Variants in PLEKHA5 observed in about 807,000 individuals in gnomAD.
PLEKHA5 encodes pleckstrin homology domain containing A5.
Under a neutral mutation model 181.9 loss-of-function variants are expected in PLEKHA5, and 55 were observed. The ratio of observed to expected loss-of-function variants is 0.30; its 90% CI spans 0.24 to 0.38. PLEKHA5 has a LOEUF of 0.38. PLEKHA5 is among the 10% of genes least tolerant of loss of function. The probability of loss-of-function intolerance (pLI) is 1.00; values close to 1 mark genes in which losing one functional copy is unlikely to be tolerated. For missense variants in PLEKHA5, 1,432 were observed against 1,549.5 expected (o/e 0.92, Z 1.27); for synonymous variants, 535 against 529.4 (o/e 1.01, Z -0.15).
At chr12:19,166,032 C>T (rs910047940) in intron 3 of PLEKHA5, among the ~76,000 whole-genome samples, 1 of 152,050 alleles carries the variant, frequency 6.6e-6, no homozygotes, top group African/African-American at 2.4e-5. Flanking sequence ...GCAACTGAGG[C>T]AAAAAGAAGG....
rs1266048901 is a variant in PLEKHA5 at position 19,129,769 on chromosome 12, A to G, written c.-31A>G. On this transcript the variant is annotated 5_prime_UTR_variant, in exon 1 of 32. Coordinates refer to ENST00000429027, the MANE Select transcript of PLEKHA5 (RefSeq NM_001256470.2). Reference sequence around the variant, plus strand: ...CCTCGGCAGCCGCGGCGGCAGCAGGAGAAGGCGGCGGCGGCGGCTAGGGAT... The same window carrying G: ...CCTCGGCAGCCGCGGCGGCAGCAGGGGAAGGCGGCGGCGGCGGCTAGGGAT... 1 of 1,538,336 alleles carries G rather than the reference A, an allele frequency of 6.5e-7. No homozygotes were observed. The highest frequency in any genetic ancestry group is 1.1e-5 in the South Asian group (1 of 87,874).
Position 19,130,704 on chromosome 12 carries a change from A to G in PLEKHA5, c.169+574A>G. ...GATGAAGGAGGAGGAGGAGGAGGAG[A>G]GGAGTTCGGGGGTGCTGCGATCCTC... is the stretch of plus-strand genomic sequence containing the variant. On this transcript the variant is annotated intron_variant, in intron 2 of 31. Coordinates refer to ENST00000429027, the MANE Select transcript of PLEKHA5 (RefSeq NM_001256470.2). This position sits in a 1 kb window ranked among gnomAD's most constrained non-coding sequence, Gnocchi z 4.5. 1 of 152,424 alleles carries G rather than the reference A, an allele frequency of 6.6e-6. No homozygotes were observed. The highest frequency in any genetic ancestry group is 1.5e-5 in the Non-Finnish European group (1 of 68,312). 9.4% of individuals were successfully genotyped at this position (152,424 alleles called of 1,614,324 possible).
chr12:19,195,346 G>A (rs935468362), intron 3 of PLEKHA5, among the ~76,000 whole-genome samples: 4 of 149,968 alleles, frequency 2.7e-5, no homozygotes, highest in Non-Finnish European at 5.9e-5. Context: ...ACTAATACAT[G>A]CTTATCAGAA....
At chr12:19,374,170 G>T (rs539133395) in intron 31 of PLEKHA5, among the ~76,000 whole-genome samples, 6 of 151,730 alleles carry the variant, frequency 4.0e-5, no homozygotes, top group African/African-American at 1.5e-4. Context: ...TAATTATTAC[G>T]TATTTTAGTG....
intron 20 of PLEKHA5, among the ~76,000 whole-genome samples, chr12:19,333,518 G>A (rs2153103278): frequency 6.6e-6 from 1 of 152,006 alleles, no homozygotes; most frequent in African/African-American, 2.4e-5. Context: ...GAACCCGGGA[G>A]GCAGAGGTTG....
intron 3 of PLEKHA5, chr12:19,154,702 GGT>G (rs1281700301): frequency 6.6e-6 from 1 of 152,080 alleles, no homozygotes; most frequent in African/African-American, 2.4e-5. Flanking sequence ...CAGAATGTTT[GGT>G]GTGTCTTTTA....
intron 15 of PLEKHA5, among the ~76,000 whole-genome samples, chr12:19,296,723 G>GT (rs909128879): frequency 2.6e-5 from 4 of 152,076 alleles, no homozygotes; most frequent in Non-Finnish European, 4.4e-5. Flanking sequence ...GTCTGGTTGG[G>GT]TTGAGCAAAA....
At chr12:19,280,036 GTTTTTTTTTTTTTTTTTTTT>G (rs869050795) in intron 11 of PLEKHA5, among the ~76,000 whole-genome samples, 1 of 54,504 alleles carries the variant, frequency 1.8e-5, no homozygotes, top group Admixed American at 3.6e-4. Context: ...AATGAAACCT[GTTTTTTTTTTTTTTTTTTTT>G]TTTTTTTTTG....
chr12:19,253,090 T>TTTTTTTTTTG (rs2065840503), intron 3 of PLEKHA5, among the ~76,000 whole-genome samples: 2 of 125,730 alleles, frequency 1.6e-5, no homozygotes, highest in African/African-American at 3.3e-5. Flanking sequence ...TTTTTTTTTT[T>TTTTTTTTTTG]GGGAGACAGA....
chr12:19,215,886 G>T (rs10841180), intron 3 of PLEKHA5, among the ~76,000 whole-genome samples: 1 of 152,088 alleles, frequency 6.6e-6, no homozygotes, highest in African/African-American at 2.4e-5. Flanking sequence ...TGTTAGAAAA[G>T]GTTGTATAAT....
chr12:19,299,699 A>G (rs534156762), intron 15 of PLEKHA5, among the ~76,000 whole-genome samples: 2 of 152,292 alleles, frequency 1.3e-5, no homozygotes, highest in Admixed American at 6.5e-5. Flanking sequence ...GGTAATATCT[A>G]TAAACTTCTG....
chr12:19,275,029 G>C, intron 11 of PLEKHA5, 46 bp downstream of exon 11: 1 of 1,300,300 alleles, frequency 7.7e-7, no homozygotes, highest in Non-Finnish European at 1.1e-6. Flanking sequence ...CTTTGATGCT[G>C]TGTTGGTGGA....
chr12:19,219,865 G>C (rs1565481546), intron 3 of PLEKHA5, among the ~76,000 whole-genome samples: 1 of 151,876 alleles, frequency 6.6e-6, no homozygotes, highest in Non-Finnish European at 1.5e-5. Context: ...AACAATAGAA[G>C]TACCTTTCTG....
intron 11 of PLEKHA5, among the ~76,000 whole-genome samples, chr12:19,278,023 T>A (rs2152758763): frequency 6.6e-6 from 1 of 152,282 alleles, no homozygotes; most frequent in East Asian, 1.9e-4. Flanking sequence ...TAAAAGTAAA[T>A]CACACTTTGC....
At chr12:19,155,176 G>T (rs2041383012) in intron 3 of PLEKHA5, among the ~76,000 whole-genome samples, 1 of 152,174 alleles carries the variant, frequency 6.6e-6, no homozygotes, top group African/African-American at 2.4e-5. Flanking sequence ...CATCAGGAAG[G>T]TCATTATCAC....
chr12:19,294,135 A>G (rs1565578351), intron 15 of PLEKHA5, among the ~76,000 whole-genome samples: 1 of 152,204 alleles, frequency 6.6e-6, no homozygotes, highest in Non-Finnish European at 1.5e-5. Context: ...TTAGGTAATA[A>G]TTAGACAGCA....
intron 3 of PLEKHA5, among the ~76,000 whole-genome samples, chr12:19,242,547 G>T (rs2062852398): frequency 6.6e-6 from 1 of 152,082 alleles, no homozygotes; most frequent in African/African-American, 2.4e-5. Context: ...AGCCCATTTT[G>T]TAGATTCTCA....
In PLEKHA5 at chr12:19,255,173, A is replaced by G. The variant is rs751334933; in HGVS notation, c.432+8A>G. On this transcript the variant is annotated splice_region_variant and intron_variant, in intron 5 of 31. Transcript: ENST00000429027. ...ATGAGCCCTGTAGGCAGAGTAAGTT[A>G]TTTTGCTTTATATTAATTATTGATA... is the stretch of plus-strand genomic sequence containing the variant. 7 of 1,562,164 alleles carry G rather than the reference A, an allele frequency of 4.5e-6. No homozygotes were observed. The Admixed American group carries it at 8.7e-5, about 19-fold the overall frequency.
intron 3 of PLEKHA5, among the ~76,000 whole-genome samples, chr12:19,223,435 T>A (rs888078167): frequency 7.9e-5 from 12 of 152,156 alleles, no homozygotes; most frequent in African/African-American, 2.9e-4. Flanking sequence ...ATACCAATAC[T>A]TTAGAACACC....
Sources: allele counts gnomAD v4.1 joint callset (sites outside exome capture counted in the v4.1 genomes callset), GRCh38; gene constraint gnomAD v4.1.1; non-coding constraint Gnocchi (gnomAD v3.1); transcripts MANE v1.5; gene names NCBI Gene and HGNC (gene_info 2026-07-23, HGNC 2026-07-21).